The following LIPG variants were observed in gnomAD, a reference collection of about 807,000 sequenced individuals.
LIPG encodes the protein endothelial lipase.
A neutral mutation model predicts 51.8 loss-of-function variants in LIPG; 34 were observed. The ratio of observed to expected loss-of-function variants is 0.66; its 90% CI spans 0.50 to 0.87. The LOEUF is 0.87. LIPG is among the 40% of genes least tolerant of loss of function. The pLI is 0.00. For synonymous variants in LIPG, 246 were observed against 246.1 expected, an observed-to-expected ratio of 1.00 and a Z score of 0.00; for missense variants, 580 against 652.7, an observed-to-expected ratio of 0.89 and a Z score of 1.21.
At chr18:49,569,776 G>A (rs1001640970) in intron 4 of LIPG, among the ~76,000 whole-genome samples, 2 of 151,984 alleles carry the variant, frequency 1.3e-5, no homozygotes, top group African/African-American at 4.8e-5. Context: ...GGGGTGCTGT[G>A]GGTGAAGTGG....
intron 7 of LIPG, among the ~76,000 whole-genome samples, chr18:49,582,899 A>G (rs2084837358): frequency 6.6e-6 from 1 of 152,248 alleles, no homozygotes; most frequent in Non-Finnish European, 1.5e-5. Context: ...AGTATCCACC[A>G]GGGACAAAGC....
At position 49,596,143 on chromosome 18, in the gene LIPG, A is replaced by G. The variant is rs1674983526; in HGVS notation, c.*5621A>G. 6.6e-6 allele frequency: 1 copy of G among 152,234 alleles called. No homozygotes were observed. The highest frequency in any genetic ancestry group is 2.4e-5 in the African/African-American group (1 of 41,462). 9.4% of individuals were successfully genotyped at this position (152,234 alleles called of 1,614,324 possible). ...CCCCTGAAACTAAAGTAGAAGTTAAAACCATCAACCCCCCCAAAACAAAAA... is the reference window on the plus strand; with the variant it reads ...CCCCTGAAACTAAAGTAGAAGTTAAGACCATCAACCCCCCCAAAACAAAAA... On this transcript the variant is annotated 3_prime_UTR_variant, in exon 10 of 10. Coordinates refer to ENST00000261292, the MANE Select transcript of LIPG (RefSeq NM_006033.4).
At chr18:49,584,158 C>A (rs2084858200) in intron 8 of LIPG, among the ~76,000 whole-genome samples, 1 of 152,140 alleles carries the variant, frequency 6.6e-6, no homozygotes, top group African/African-American at 2.4e-5. Context: ...TGCTTCTGAG[C>A]AAAGCAGACT....
intron 1 of LIPG, 78 bp from the exon 2 acceptor site, chr18:49,565,239 A>G: frequency 6.9e-7 from 1 of 1,458,398 alleles, no homozygotes; most frequent in Non-Finnish European, 9.5e-7. Context: ...ATTGCTCACG[A>G]TTGAACTAGA....
chr18:49,590,205 G>A (rs866751675), intron 9 of LIPG: 3 of 490,910 alleles, frequency 6.1e-6, no homozygotes, highest in African/African-American at 2.0e-5. Flanking sequence ...GTGTGTGTGT[G>A]TGTATGTTGT....
chr18:49,573,361 G>C (rs1224695910), intron 4 of LIPG, among the ~76,000 whole-genome samples: 2 of 152,104 alleles, frequency 1.3e-5, no homozygotes, highest in Non-Finnish European at 2.9e-5. Flanking sequence ...TTTGGGTCCT[G>C]GGCTAGGGAT....
Position 49,575,383 on chromosome 18 carries a change from G to A in LIPG, c.586G>A (p.Gly196Arg), listed in dbSNP as rs1379995551. 38 of 1,612,632 alleles carry A rather than the reference G, an allele frequency of 2.4e-5. No homozygotes were observed. Among genetic ancestry groups the A allele is most frequent in the Non-Finnish European group, 3.1e-5 (36 of 1,179,998 alleles). The change falls in exon 5 of 10, where the codon GGG (glycine) becomes AGG (arginine). Residue 196 changes from glycine to arginine, a missense_variant. Gly to Arg is a moderately radical substitution (Grantham distance 125, BLOSUM62 -2). Transcript: ENST00000261292. ...TTCTGCTGCAGGTTTGGATCCTGCC[G>A]GGCCCATGTTTGAAGGGGCCGACAT... Reference protein sequence around the residue: ...VGRITGLDPAGPMFEGADIHK... With the variant: ...VGRITGLDPARPMFEGADIHK...
At position 49,562,177 on chromosome 18, in the gene LIPG, C is replaced by T. The variant is rs2084556860; in HGVS notation, c.-132C>T. On this transcript the variant is annotated 5_prime_UTR_variant, in exon 1 of 10. Coordinates refer to ENST00000261292, the MANE Select transcript of LIPG (RefSeq NM_006033.4). The stretch of plus-strand genomic sequence containing the variant: ...CGTGCCGCCAAGTTTTCATTTTCCA[C>T]CTTCTCTGCCTCCAGTCCCCCAGCC... The T allele has an allele frequency of 3.3e-6, 5 of 1,524,930 alleles. No individual in the cohort carries two copies. Among genetic ancestry groups the T allele is most frequent in the South Asian group, 1.2e-5 (1 of 80,556 alleles). 94.5% of individuals were successfully genotyped at this position (1,524,930 alleles called of 1,614,324 possible).
In LIPG at chr18:49,577,833, C is replaced by G. The variant is rs1409652920; in HGVS notation, c.793+2243C>G. On this transcript the variant is annotated intron_variant, in intron 5 of 9. Coordinates refer to ENST00000261292, the MANE Select transcript of LIPG (RefSeq NM_006033.4). ...CTCCCTCCCGGACGGGGCGGCTGGC[C>G]GGGTGGGGGGGCTGACCCCCCCATC... 1.4e-4 allele frequency among the ~76,000 whole-genome samples: 16 copies of G among 115,442 alleles called. 2 individuals are homozygous for G. The highest frequency in any genetic ancestry group is 2.3e-4 in the Admixed American group (3 of 12,918). 75.7% of individuals were successfully genotyped at this position (115,442 alleles called of 152,430 possible).
In LIPG at chr18:49,571,891, T is replaced by C. The variant is rs573007414; in HGVS notation, c.571+2343T>C. Among the ~76,000 whole-genome samples the C allele has an allele frequency of 8.5e-5, 13 of 152,312 alleles. No individual in the cohort carries two copies. The South Asian group carries it at 2.7e-3, about 32-fold the overall frequency. ...GGCTTCTGAGAGAAGCCTGTGATACTAGGAAAGAGGTCATATATTTATAGT... is the reference window on the plus strand; with the variant it reads ...GGCTTCTGAGAGAAGCCTGTGATACCAGGAAAGAGGTCATATATTTATAGT... On this transcript the variant is annotated intron_variant, in intron 4 of 9. Transcript: ENST00000261292.
In LIPG at chr18:49,565,355, A is replaced by G; in HGVS notation, c.136A>G (p.Lys46Glu). The G allele has an allele frequency of 6.2e-7, 1 of 1,614,204 alleles. No individual in the cohort carries two copies. The highest frequency in any genetic ancestry group is 8.5e-7 in the Non-Finnish European group (1 of 1,180,026). The change falls in exon 2 of 10, where the codon AAA (lysine) becomes GAA (glutamate). Residue 46 changes from lysine to glutamate, a missense_variant. Transcript: ENST00000261292. ...HKPKATQTEV[K>E]PSVRFNLRTS... Reference sequence around the variant, plus strand: ...ACCCAAAGCTACACAGACTGAGGTCAAACCATCTGTGAGGTTTAACCTCCG... The same window carrying G: ...ACCCAAAGCTACACAGACTGAGGTCGAACCATCTGTGAGGTTTAACCTCCG...
chr18:49,578,877 TGGCGCGTGCCTGCAATCGCA>T (rs1233498280), intron 5 of LIPG, among the ~76,000 whole-genome samples: 40 of 132,762 alleles, frequency 3.0e-4, no homozygotes, highest in Non-Finnish European at 5.0e-4. Flanking sequence ...TCAGGCGTGG[TGGCGCGTGCCTGCAATCGCA>T]GGCACTCGGC....
intron 2 of LIPG, among the ~76,000 whole-genome samples, chr18:49,566,517 A>G (rs1369232105): frequency 6.6e-6 from 1 of 152,208 alleles, no homozygotes; most frequent in Non-Finnish European, 1.5e-5. Context: ...CAGAAAATCT[A>G]TCTATTTGAT....
At chr18:49,577,043 A>C (rs936546891) in intron 5 of LIPG, among the ~76,000 whole-genome samples, 9 of 149,172 alleles carry the variant, frequency 6.0e-5, no homozygotes, top group Non-Finnish European at 1.2e-4. Flanking sequence ...TTTTATTGAT[A>C]ATTCTTGGGT....
chr18:49,588,256 A>G (rs76621331), intron 9 of LIPG, among the ~76,000 whole-genome samples: 5,798 of 150,818 alleles, frequency 0.038, 351 homozygotes, highest in African/African-American at 0.13. Flanking sequence ...GAATGCAGGT[A>G]AGTGTGGGCC....
intron 5 of LIPG, among the ~76,000 whole-genome samples, chr18:49,580,658 GA>G (rs149374502): frequency 8.2e-5 from 12 of 145,672 alleles, no homozygotes; most frequent in East Asian, 2.0e-4. Flanking sequence ...ACAAAGCAAA[GA>G]AAAAAAAAAG....
At chr18:49,574,391 A>G (rs2084693434) in intron 4 of LIPG, among the ~76,000 whole-genome samples, 1 of 152,198 alleles carries the variant, frequency 6.6e-6, no homozygotes, top group South Asian at 2.1e-4. Flanking sequence ...ATCTATTTCT[A>G]TGTGCCATAA....
intron 5 of LIPG, 102 bp downstream of exon 5, chr18:49,575,692 C>T (rs886809940): frequency 4.8e-5 from 45 of 935,880 alleles, no homozygotes; most frequent in Non-Finnish European, 7.2e-5. Flanking sequence ...ATTCATTATT[C>T]TCACCTCCCA....
rs556447505 is a variant in LIPG, at chr18:49,570,739, G to C, written c.571+1191G>C. 3.3e-5 allele frequency among the ~76,000 whole-genome samples: 5 copies of C among 152,308 alleles called. No individual in the cohort carries two copies. In the East Asian group the frequency reaches 7.7e-4, roughly 24 times the overall value. On this transcript the variant is annotated intron_variant, in intron 4 of 9. Coordinates refer to ENST00000261292, the MANE Select transcript of LIPG (RefSeq NM_006033.4). ...AGCTACTTGGGAGGCTGAGGCAGGA[G>C]AATCGCTTGAACCAAGGAGGTAGAG...
Sources: gnomAD v4.1 joint callset for allele counts (sites outside exome capture counted in the v4.1 genomes callset) on GRCh38, gnomAD v4.1.1 for gene constraint, MANE v1.5 for transcripts, NCBI Gene and HGNC (gene_info 2026-07-23, HGNC 2026-07-21) for gene names.